DAB1: variants seen among roughly 807,000 people sequenced by gnomAD.
DAB1 encodes the protein disabled homolog 1.
A neutral mutation model predicts 64.6 loss-of-function variants in DAB1; 15 were observed. The observed-to-expected ratio is 0.23, with a 90% CI of 0.16 to 0.36. DAB1 has a LOEUF of 0.36. DAB1 is among the 10% of genes least tolerant of loss of function. DAB1 has a pLI of 1.00. For synonymous variants in DAB1, 235 were observed against 251.9 expected (o/e 0.93, Z 0.64); for missense variants, 596 against 706.7 (o/e 0.84, Z 1.78).
chr1:57,608,595 T>C (rs1423501538), intron 7 of DAB1, among the ~76,000 whole-genome samples: 1 of 152,202 alleles, frequency 6.6e-6, no homozygotes, highest in Non-Finnish European at 1.5e-5. Flanking sequence ...ATTAAATACT[T>C]GTGATATGCC....
intron 2 of DAB1, among the ~76,000 whole-genome samples, chr1:57,254,987 A>G (rs1420657936): frequency 6.6e-6 from 1 of 152,196 alleles, no homozygotes; most frequent in African/African-American, 2.4e-5. Context: ...CATAACGTAG[A>G]AGGCAAAAGA....
chr1:57,253,292 T>G (rs963576167), intron 2 of DAB1, among the ~76,000 whole-genome samples: 8 of 152,210 alleles, frequency 5.3e-5, no homozygotes, highest in African/African-American at 1.9e-4. Context: ...ACACCTCATT[T>G]TAACTCAAGT....
chr1:57,877,629 C>T lies in DAB1; in HGVS notation n.87+6370G>A, dbSNP rs1486786179. ...ACTGCGGACTGCAGTGGCGCAATCT[C>T]GGCTCACTGCAAGCTCCGCTTCCCG... On this transcript the variant is annotated intron_variant and non_coding_transcript_variant, in intron 1 of 1. Transcript: ENST00000477280. 1.7e-4 allele frequency among the ~76,000 whole-genome samples: 4 copies of T among 23,046 alleles called. 1 individual carries two copies. Among genetic ancestry groups the T allele is most frequent in the Non-Finnish European group, 8.0e-5 (1 of 12,440 alleles). The allele number at this position is 23,046 out of a possible 152,430, so 15.1% of individuals were successfully genotyped here.
At chr1:57,560,413 G>T (rs1645037008) in intron 7 of DAB1, among the ~76,000 whole-genome samples, 1 of 152,214 alleles carries the variant, frequency 6.6e-6, no homozygotes, top group Non-Finnish European at 1.5e-5. Context: ...AAAATTCAGG[G>T]ACCTTCTACC....
At position 58,128,925 on chromosome 1, in the gene DAB1, G is replaced by T. The variant is rs1437969309; in HGVS notation, n.387+21586C>A. ...ATATTGGTCTAAAATTCTCTTTTTT[G>T]GTTGTGTCTCTGCCCGGCTTTGGTA... On this transcript the variant is annotated intron_variant and non_coding_transcript_variant, in intron 5 of 20. Coordinates refer to the DAB1 transcript ENST00000485760. 9.5e-5 allele frequency among the ~76,000 whole-genome samples: 14 copies of T among 146,894 alleles called. 1 individual carries two copies. The South Asian group carries it at 2.3e-3, about 24-fold the overall frequency.
chr1:57,020,440 TC>T (rs983584475), intron 11 of DAB1, among the ~76,000 whole-genome samples: 1 of 152,170 alleles, frequency 6.6e-6, no homozygotes, highest in East Asian at 1.9e-4. Context: ...CGGGGTAAGT[TC>T]CCTGAGGCTC....
At chr1:57,534,910 CTT>C (rs934650549) in intron 7 of DAB1, among the ~76,000 whole-genome samples, 7 of 152,170 alleles carry the variant, frequency 4.6e-5, no homozygotes. Context: ...TACAAAAACT[CTT>C]TTCATTCAGG....
chr1:57,207,680 G>A (rs975523806), intron 2 of DAB1, among the ~76,000 whole-genome samples: 12 of 150,788 alleles, frequency 8.0e-5, no homozygotes, highest in African/African-American at 2.9e-4. Flanking sequence ...TCCTGACCTC[G>A]TGATCCGCCC....
At chr1:58,373,847 C>T (rs1383056638) in intron 3 of DAB1, among the ~76,000 whole-genome samples, 1 of 149,996 alleles carries the variant, frequency 6.7e-6, no homozygotes, top group African/African-American at 2.4e-5. Context: ...CCTGTTGTTT[C>T]CTGACTTTTT....
rs1469158733 is a variant in DAB1, at chr1:58,288,041, A to AG, written n.309+55310_309+55311insC. Among the ~76,000 whole-genome samples the AG allele has an allele frequency of 1.1e-3, 162 of 145,892 alleles. 7 individuals carry two copies. The highest frequency in any genetic ancestry group is 6.8e-3 in the East Asian group (34 of 5,018). ...CCTCAAAAAAAAAAAAAAAAAAAAA[A>AG]AAAAGAAAAAAAAGAGCAGCAAAGA... On this transcript the variant is annotated intron_variant and non_coding_transcript_variant, in intron 4 of 20. Transcript: ENST00000485760.
intron 1 of DAB1, among the ~76,000 whole-genome samples, chr1:57,846,053 C>T (rs1653265060): frequency 6.6e-6 from 1 of 152,066 alleles, no homozygotes; most frequent in African/African-American, 2.4e-5. Context: ...GCCCCAGAGA[C>T]AGAGGGAAGA....
chr1:57,287,090 G>GTTTTT (rs1197409987), intron 2 of DAB1, among the ~76,000 whole-genome samples: 22 of 152,150 alleles, frequency 1.4e-4, no homozygotes, highest in Non-Finnish European at 2.9e-4. Flanking sequence ...GTTTTGTTTT[G>GTTTTT]TGACAAGGTC....
intron 10 of DAB1, among the ~76,000 whole-genome samples, chr1:57,023,885 C>T (rs1342152279): frequency 1.3e-5 from 2 of 152,154 alleles, no homozygotes; most frequent in African/African-American, 4.8e-5. Context: ...AAATTTTTAG[C>T]ACCGTGCATA....
At chr1:57,654,289 G>A (rs1201586868) in intron 6 of DAB1, among the ~76,000 whole-genome samples, 2 of 152,128 alleles carry the variant, frequency 1.3e-5, no homozygotes, top group African/African-American at 4.8e-5. Context: ...GGAAAAACTG[G>A]AAGCAGAAAA....
At chr1:57,901,210 C>G (rs1214483851) in intron 5 of DAB1, among the ~76,000 whole-genome samples, 1 of 152,132 alleles carries the variant, frequency 6.6e-6, no homozygotes, top group East Asian at 1.9e-4. Flanking sequence ...TTTACATTCT[C>G]TTTATATTGG....
intron 2 of DAB1, among the ~76,000 whole-genome samples, chr1:57,229,763 C>G (rs1337538532): frequency 6.6e-6 from 1 of 152,192 alleles, no homozygotes; most frequent in Non-Finnish European, 1.5e-5. Context: ...ATTTCTGCTT[C>G]CAAGCAAAAG....
chr1:58,514,930 C>T (rs1006316421), intron 2 of DAB1, among the ~76,000 whole-genome samples: 5 of 152,114 alleles, frequency 3.3e-5, no homozygotes, highest in Non-Finnish European at 5.9e-5. Context: ...TCAGGTTTAC[C>T]TATACCTCAC....
intron 7 of DAB1, among the ~76,000 whole-genome samples, chr1:57,589,256 A>C (rs189248970): frequency 6.6e-6 from 1 of 152,322 alleles, no homozygotes; most frequent in East Asian, 1.9e-4. Flanking sequence ...CCATATGTTT[A>C]TCATTTCAAA....
intron 4 of DAB1, among the ~76,000 whole-genome samples, chr1:58,312,911 A>G (rs1029173266): frequency 2.6e-5 from 4 of 152,108 alleles, no homozygotes; most frequent in African/African-American, 9.7e-5. Flanking sequence ...TCACAACTTA[A>G]AATAAAAGTT....
Sources: allele counts gnomAD v4.1 joint callset (sites outside exome capture counted in the v4.1 genomes callset), GRCh38; gene constraint gnomAD v4.1.1; transcripts MANE v1.5; gene names NCBI Gene and HGNC (gene_info 2026-07-23, HGNC 2026-07-21).